Variants in SRGAP3 observed in about 807,000 individuals in gnomAD.
SRGAP3 encodes SLIT-ROBO Rho GTPase-activating protein 3.
A neutral mutation model predicts 121.1 loss-of-function variants in SRGAP3; 39 were observed. That is an observed-to-expected ratio of 0.32 (90% CI 0.25 to 0.42). The LOEUF (loss-of-function observed/expected upper bound fraction) is 0.42, where lower values mean the gene tolerates loss of function less well. SRGAP3 is among the 10% of genes least tolerant of loss of function. The pLI, the probability that SRGAP3 is intolerant of heterozygous loss-of-function variation, is 1.00. For missense variants in SRGAP3, 1,213 were observed against 1,470.6 expected, an observed-to-expected ratio of 0.82 and a Z score of 2.86; for synonymous variants, 601 against 570.0, an observed-to-expected ratio of 1.05 and a Z score of -0.77.
intron 1 of SRGAP3, chr3:9,193,249 T>C (rs1297572622): frequency 6.6e-6 from 1 of 152,254 alleles, no homozygotes; most frequent in Non-Finnish European, 1.5e-5. Flanking sequence ...AAGCCCAGCC[T>C]GGTACTTTCA....
chr3:9,048,585 C>G (rs2125145968), intron 9 of SRGAP3, among the ~76,000 whole-genome samples: 1 of 152,310 alleles, frequency 6.6e-6, no homozygotes, highest in East Asian at 1.9e-4. Flanking sequence ...GCTCAGGAGG[C>G]TGAGGTGAGA....
At chr3:9,210,960 G>T (rs1050519145) in intron 1 of SRGAP3, among the ~76,000 whole-genome samples, 2 of 152,084 alleles carry the variant, frequency 1.3e-5, no homozygotes, top group African/African-American at 4.8e-5. Flanking sequence ...ACATTAGTAC[G>T]TACTAAAAAC....
Position 9,326,147 on chromosome 3 carries a change from C to T in SRGAP3, n.305G>A, listed in dbSNP as rs1038254119. ...AAGGACAGTCTTTCTCTGATGTTCT[C>T]AGAAGATCCAATCTTTGGGTTCTAG... is the stretch of plus-strand genomic sequence containing the variant. On this transcript the variant is annotated non_coding_transcript_exon_variant, in exon 3 of 4. Coordinates refer to the SRGAP3 transcript ENST00000490889. 2.0e-5 allele frequency: 3 copies of T among 151,890 alleles called. No individual in the cohort carries two copies. In the South Asian group the frequency reaches 6.2e-4, roughly 31 times the overall value. 9.4% of individuals were successfully genotyped at this position (151,890 alleles called of 1,614,324 possible). A position where few individuals can be genotyped will look rare whatever the true frequency, so the allele number is the denominator to read the frequency against.
At chr3:9,044,412 T>C (rs1251808668) in intron 10 of SRGAP3, among the ~76,000 whole-genome samples, 1 of 152,234 alleles carries the variant, frequency 6.6e-6, no homozygotes, top group African/African-American at 2.4e-5. Context: ...CTGGCAGAGA[T>C]GGAGCCGCGA....
intron 1 of SRGAP3, among the ~76,000 whole-genome samples, chr3:9,136,546 C>T (rs1199556607): frequency 1.3e-5 from 2 of 152,250 alleles, no homozygotes; most frequent in Non-Finnish European, 2.9e-5. Flanking sequence ...CTCTCCCCTT[C>T]CTGTATTCGG....
At chr3:9,064,840 A>G (rs1424915336) in intron 4 of SRGAP3, among the ~76,000 whole-genome samples, 1 of 147,032 alleles carries the variant, frequency 6.8e-6, no homozygotes, top group Non-Finnish European at 1.5e-5. Context: ...ATGGGCTAGT[A>G]AAGAGGAAAT....
intron 1 of SRGAP3, chr3:9,355,722 G>A (rs1419898124): frequency 6.6e-6 from 1 of 152,198 alleles, no homozygotes; most frequent in African/African-American, 2.4e-5. Flanking sequence ...ACAGAAATGT[G>A]ATGTATATAT....
intron 3 of SRGAP3, among the ~76,000 whole-genome samples, chr3:9,299,372 AAAAAG>A (rs1001253144): frequency 2.4e-4 from 36 of 151,416 alleles, no homozygotes; most frequent in African/African-American, 5.3e-4. Flanking sequence ...AAAAAAAAAA[AAAAAG>A]AAAAGAAAAG....
At chr3:9,049,097 G>A (rs1427135483) in intron 9 of SRGAP3, among the ~76,000 whole-genome samples, 1 of 152,152 alleles carries the variant, frequency 6.6e-6, no homozygotes, top group East Asian at 1.9e-4. Flanking sequence ...CTAAAAAGGG[G>A]GCAGAGAAAA....
At chr3:9,055,398 A>G (rs1183536522) in intron 8 of SRGAP3, among the ~76,000 whole-genome samples, 1 of 152,216 alleles carries the variant, frequency 6.6e-6, no homozygotes, top group Admixed American at 6.5e-5. Flanking sequence ...TCCTTTCTCC[A>G]GGGGCCTCCA....
intron 1 of SRGAP3, among the ~76,000 whole-genome samples, chr3:9,349,459 AG>A (rs1265458492): frequency 6.6e-6 from 1 of 152,226 alleles, no homozygotes; most frequent in African/African-American, 2.4e-5. Context: ...CAGAGTTTAA[AG>A]GTAGTGACCT....
At position 8,985,333 on chromosome 3, in the gene SRGAP3, G is replaced by A; in HGVS notation, c.*186C>T. The A allele has an allele frequency of 7.7e-7, 1 of 1,300,248 alleles. No homozygotes were observed. The highest frequency in any genetic ancestry group is 1.0e-6 in the Non-Finnish European group (1 of 986,460). 80.5% of individuals were successfully genotyped at this position (1,300,248 alleles called of 1,614,324 possible). On this transcript the variant is annotated 3_prime_UTR_variant, in exon 22 of 22. Coordinates refer to ENST00000383836, the MANE Select transcript of SRGAP3 (RefSeq NM_014850.4). This position sits in a 1 kb window ranked among gnomAD's most constrained non-coding sequence, Gnocchi z 5.1. ...GTCTGTTGACACGCGAGAGGTCCGT[G>A]GGATTCCCATGGCTGGACGTGAGCT...
intron 18 of SRGAP3, among the ~76,000 whole-genome samples, chr3:8,995,451 G>C (rs926041856): frequency 6.6e-6 from 1 of 152,184 alleles, no homozygotes; most frequent in Admixed American, 6.5e-5. Context: ...ACTCCAGCTT[G>C]GGTGACAGAG....
chr3:9,083,530 T>G (rs762572176), intron 3 of SRGAP3, among the ~76,000 whole-genome samples: 2 of 152,226 alleles, frequency 1.3e-5, no homozygotes, highest in Non-Finnish European at 2.9e-5. Flanking sequence ...CTCTGAGAAA[T>G]TTTTCCATCA....
At chr3:8,992,373 G>A (rs931304680) in intron 20 of SRGAP3, among the ~76,000 whole-genome samples, 1 of 152,158 alleles carries the variant, frequency 6.6e-6, no homozygotes, top group Non-Finnish European at 1.5e-5. Flanking sequence ...TTGCCTGGTA[G>A]AAAGGTTATG....
chr3:9,244,307 G>C (rs1340071291), intron 1 of SRGAP3, among the ~76,000 whole-genome samples: 1 of 152,036 alleles, frequency 6.6e-6, no homozygotes, highest in Non-Finnish European at 1.5e-5. Flanking sequence ...GTACAATGTA[G>C]ATAATCAACT....
chr3:9,194,662 C>G (rs910453041), intron 1 of SRGAP3, among the ~76,000 whole-genome samples: 2 of 152,340 alleles, frequency 1.3e-5, no homozygotes, highest in East Asian at 3.9e-4. Flanking sequence ...AGATGTAAAA[C>G]AACCTTCTCC....
chr3:9,164,850 G>GA (rs1331728688), intron 1 of SRGAP3, among the ~76,000 whole-genome samples: 1 of 152,206 alleles, frequency 6.6e-6, no homozygotes, highest in African/African-American at 2.4e-5. Flanking sequence ...GATCCACAGA[G>GA]AAATCCTCCT....
rs1046738202 is a variant in SRGAP3 at position 9,061,230 on chromosome 3, C to CTCAA, written c.673-875_673-872dup. On this transcript the variant is annotated intron_variant, in intron 5 of 21. Transcript: ENST00000383836. ...TCTAGGTGACAGAGGGAGACTCCGT[C>CTCAA]TCAATCAATCAATCAATAAGACCCC... Among the ~76,000 whole-genome samples the CTCAA allele has an allele frequency of 7.2e-5, 11 of 152,248 alleles. No individual in the cohort carries two copies. In the South Asian group the frequency reaches 1.5e-3, roughly 20 times the overall value.
Sources: allele counts gnomAD v4.1 joint callset (sites outside exome capture counted in the v4.1 genomes callset), GRCh38; gene constraint gnomAD v4.1.1; non-coding constraint Gnocchi (gnomAD v3.1); transcripts MANE v1.5; gene names NCBI Gene and HGNC (gene_info 2026-07-23, HGNC 2026-07-21).